ANKH: variants seen among roughly 807,000 people sequenced by gnomAD.
ANKH encodes the protein mineralization regulator ANKH.
A neutral mutation model predicts 49.0 loss-of-function variants in ANKH; 15 were observed. The ratio of observed to expected loss-of-function variants is 0.31; its 90% CI spans 0.20 to 0.47. The LOEUF (loss-of-function observed/expected upper bound fraction) is 0.47. ANKH is among the 20% of genes least tolerant of loss of function. ANKH has a pLI of 1.00. For synonymous variants in ANKH, 273 were observed against 260.0 expected (o/e 1.05, Z -0.48); for missense variants, 429 against 652.0 (o/e 0.66, Z 3.72).
chr5:14,721,929 C>CCAAAA (rs564649239), intron 8 of ANKH, among the ~76,000 whole-genome samples: 3 of 59,466 alleles, frequency 5.0e-5, no homozygotes, highest in African/African-American at 9.5e-5. Flanking sequence ...GACTCCGTCT[C>CCAAAA]AAAAAAAAAA....
chr5:14,832,714 C>T (rs1056401066), intron 1 of ANKH, among the ~76,000 whole-genome samples: 19 of 152,088 alleles, frequency 1.2e-4, no homozygotes. Flanking sequence ...CATTTATTTG[C>T]CTGTAGAGTT....
intron 1 of ANKH, among the ~76,000 whole-genome samples, chr5:14,792,497 C>G (rs1416741234): frequency 6.6e-6 from 1 of 152,080 alleles, no homozygotes; most frequent in Admixed American, 6.5e-5. Context: ...TGGCCCTCCT[C>G]CCCAGGTGAA....
chr5:14,793,273 G>C (rs1178531928), intron 1 of ANKH, among the ~76,000 whole-genome samples: 3 of 151,302 alleles, frequency 2.0e-5, no homozygotes. Context: ...TCTGGGGCTG[G>C]AAAGAGGCCC....
chr5:14,822,156 A>C (rs1741214244), intron 1 of ANKH, among the ~76,000 whole-genome samples: 1 of 152,230 alleles, frequency 6.6e-6, no homozygotes, highest in Non-Finnish European at 1.5e-5. Flanking sequence ...GAAAAGTGCT[A>C]GTCTGAACTG....
chr5:14,807,541 T>C (rs1447039374), intron 1 of ANKH, among the ~76,000 whole-genome samples: 2 of 152,200 alleles, frequency 1.3e-5, no homozygotes, highest in Non-Finnish European at 2.9e-5. Flanking sequence ...GTGAGAACGG[T>C]AAACCTATTA....
rs1737808259 is a variant in ANKH at position 14,725,894 on chromosome 5, T to TGC, written c.1012-9061_1012-9060dup. Among the ~76,000 whole-genome samples, 2 of 152,206 alleles carry TGC rather than the reference T, an allele frequency of 1.3e-5. No homozygotes were observed. The highest frequency in any genetic ancestry group is 2.9e-5 in the Non-Finnish European group (2 of 68,028). ...CTGAGTAGCTGGGACTACAGGTACG[T>TGC]GCCACCACGCCCAGCTAATTTTTGT... On this transcript the variant is annotated intron_variant, in intron 8 of 11. Coordinates refer to ENST00000284268, the MANE Select transcript of ANKH (RefSeq NM_054027.6). This position sits in a 1 kb window ranked among gnomAD's most constrained non-coding sequence, Gnocchi z 4.0.
intron 1 of ANKH, among the ~76,000 whole-genome samples, chr5:14,854,116 T>C (rs1258500810): frequency 6.6e-6 from 1 of 152,234 alleles, no homozygotes; most frequent in Non-Finnish European, 1.5e-5. Context: ...GAGAACTAAC[T>C]GTATTATAAT....
chr5:14,857,505 A>T (rs934351721), intron 1 of ANKH, among the ~76,000 whole-genome samples: 1 of 152,084 alleles, frequency 6.6e-6, no homozygotes, highest in Admixed American at 6.6e-5. Flanking sequence ...AAAAAATACA[A>T]AAATTAGCCA....
At chr5:14,774,242 T>C (rs1352235234) in intron 1 of ANKH, among the ~76,000 whole-genome samples, 1 of 152,194 alleles carries the variant, frequency 6.6e-6, no homozygotes, top group Admixed American at 6.5e-5. Flanking sequence ...GGATTTGCCA[T>C]TCTTACCCCG....
At chr5:14,712,449 G>A (rs1355392545) in intron 11 of ANKH, among the ~76,000 whole-genome samples, 2 of 152,242 alleles carry the variant, frequency 1.3e-5, no homozygotes, top group South Asian at 4.1e-4. Context: ...CTCCGCCCAT[G>A]ACCAGAGAGG....
rs1483794554 is a variant in ANKH at position 14,871,461 on chromosome 5, G to C, written c.-14C>G. On this transcript the variant is annotated 5_prime_UTR_variant, in exon 1 of 12. Transcript: ENST00000284268. ...GAATTTCACCATAGTCCCCGCCGTG[G>C]GCTGACCCCACACACATCTGCTGCC... The C allele has an allele frequency of 6.2e-7, 1 of 1,608,434 alleles. No individual in the cohort carries two copies.
chr5:14,773,008 C>A (rs1466462013), intron 1 of ANKH, among the ~76,000 whole-genome samples: 1 of 152,224 alleles, frequency 6.6e-6, no homozygotes, highest in African/African-American at 2.4e-5. Flanking sequence ...CCAGAGTTCT[C>A]CCTGGGATCA....
chr5:14,834,209 A>G (rs925350670), intron 1 of ANKH, among the ~76,000 whole-genome samples: 2 of 147,994 alleles, frequency 1.4e-5, no homozygotes, highest in Admixed American at 6.8e-5. Flanking sequence ...GACCCTAGAC[A>G]AGTGATCTCA....
At chr5:14,790,563 T>A (rs1740129796) in intron 1 of ANKH, among the ~76,000 whole-genome samples, 1 of 152,238 alleles carries the variant, frequency 6.6e-6, no homozygotes, top group South Asian at 2.1e-4. Flanking sequence ...TCTTTTTCTT[T>A]CTTTTTGTAA....
chr5:14,758,661 G>T, intron 2 of ANKH, 63 bp from the exon 3 acceptor site: 1 of 1,215,534 alleles, frequency 8.2e-7, no homozygotes, highest in Non-Finnish European at 1.2e-6. Flanking sequence ...TATTCTTTTT[G>T]TTTCAAAAGC....
chr5:14,735,185 C>T (rs1208212866), intron 8 of ANKH, among the ~76,000 whole-genome samples: 3 of 152,182 alleles, frequency 2.0e-5, no homozygotes, highest in South Asian at 2.1e-4. Flanking sequence ...TAAGTACTGG[C>T]ACAGGTTACC....
intron 1 of ANKH, among the ~76,000 whole-genome samples, chr5:14,826,681 G>A (rs988192923): frequency 9.9e-5 from 15 of 151,970 alleles, no homozygotes; most frequent in Non-Finnish European, 1.9e-4. Flanking sequence ...GCTGAATTTC[G>A]GCATGAACAC....
rs377136068 is a variant in ANKH, at chr5:14,710,404, T to C, written c.*793A>G. On this transcript the variant is annotated 3_prime_UTR_variant, in exon 12 of 12. Transcript: ENST00000284268. ...GGGTCTGGAATCTGGAGATGCGCTT[T>C]TGTGACAATTTAAAAAAGTTAGCTC... 11 of 152,342 alleles carry C rather than the reference T, an allele frequency of 7.2e-5. No individual in the cohort carries two copies. In the East Asian group the frequency reaches 7.7e-4, roughly 11 times the overall value. The allele number at this position is 152,342 out of a possible 1,614,324, so 9.4% of individuals were successfully genotyped here.
intron 8 of ANKH, chr5:14,724,674 C>T: frequency 3.3e-6 from 2 of 607,436 alleles, no homozygotes; most frequent in Non-Finnish European, 2.1e-6. Flanking sequence ...CCCCGAGCTC[C>T]CCTGGGGACA....
Sources: allele counts gnomAD v4.1 joint callset (sites outside exome capture counted in the v4.1 genomes callset), GRCh38; gene constraint gnomAD v4.1.1; non-coding constraint Gnocchi (gnomAD v3.1); transcripts MANE v1.5; gene names NCBI Gene and HGNC (gene_info 2026-07-23, HGNC 2026-07-21).